SPIDR: variants seen among roughly 807,000 people sequenced by gnomAD.
The protein encoded by SPIDR is DNA repair-scaffolding protein.
A neutral mutation model predicts 104.6 loss-of-function variants in SPIDR; 93 were observed. The observed-to-expected ratio is 0.89, with a 90% CI of 0.75 to 1.06. The LOEUF is 1.06. SPIDR is among the 50% of genes least tolerant of loss of function. The pLI is 0.00. For missense variants in SPIDR, 1,154 were observed against 1,111.2 expected (o/e 1.04, Z -0.55); for synonymous variants, 431 against 416.9 (o/e 1.03, Z -0.41).
chr8:47,457,487 T>C (rs2073188386), intron 8 of SPIDR, among the ~76,000 whole-genome samples: 1 of 152,208 alleles, frequency 6.6e-6, no homozygotes, highest in Non-Finnish European at 1.5e-5. Context: ...TTGTAGATTC[T>C]GGATATTAGT....
intron 10 of SPIDR, among the ~76,000 whole-genome samples, chr8:47,624,787 A>C (rs1042858780): frequency 1.3e-5 from 2 of 152,132 alleles, no homozygotes; most frequent in Non-Finnish European, 2.9e-5. Context: ...TATGGATTCA[A>C]AGCCGAATTC....
chr8:47,542,081 G>A (rs1196655828), intron 8 of SPIDR, among the ~76,000 whole-genome samples: 1 of 152,042 alleles, frequency 6.6e-6, no homozygotes, highest in Non-Finnish European at 1.5e-5. Flanking sequence ...CTGATCAAAT[G>A]AAGGTCTACA....
intron 5 of SPIDR, among the ~76,000 whole-genome samples, chr8:47,313,650 T>A (rs1299096820): frequency 6.6e-6 from 1 of 152,188 alleles, no homozygotes; most frequent in Non-Finnish European, 1.5e-5. Context: ...TCACGCTACC[T>A]GACTTCAAAC....
At chr8:47,592,989 C>T (rs186710620) in intron 8 of SPIDR, among the ~76,000 whole-genome samples, 281 of 152,138 alleles carry the variant, frequency 1.8e-3, no homozygotes, top group Admixed American at 3.7e-3. Context: ...CAGGTTCAAG[C>T]GATTCTCCTG....
At chr8:47,277,843 T>G (rs945952878) in intron 1 of SPIDR, among the ~76,000 whole-genome samples, 1 of 151,700 alleles carries the variant, frequency 6.6e-6, no homozygotes, top group Non-Finnish European at 1.5e-5. Flanking sequence ...CCCGGCTAAT[T>G]TTTTGCATTT....
intron 8 of SPIDR, among the ~76,000 whole-genome samples, chr8:47,594,504 G>A (rs1478226069): frequency 6.6e-6 from 1 of 152,156 alleles, no homozygotes; most frequent in Non-Finnish European, 1.5e-5. Flanking sequence ...CATGCATAGG[G>A]ACAAGTCATA....
intron 8 of SPIDR, among the ~76,000 whole-genome samples, chr8:47,448,293 A>G (rs1193803174): frequency 3.9e-5 from 6 of 152,224 alleles, no homozygotes; most frequent in African/African-American, 1.4e-4. Flanking sequence ...CAGTAACTAT[A>G]TGATTAATAT....
chr8:47,507,707 A>G (rs1035427502), intron 8 of SPIDR, among the ~76,000 whole-genome samples: 5 of 152,342 alleles, frequency 3.3e-5, no homozygotes, highest in South Asian at 2.1e-4. Context: ...TGTAGCCCCA[A>G]TACCCAGTTC....
At chr8:47,339,049 T>C (rs1337978551) in intron 5 of SPIDR, among the ~76,000 whole-genome samples, 1 of 152,220 alleles carries the variant, frequency 6.6e-6, no homozygotes, top group Non-Finnish European at 1.5e-5. Flanking sequence ...CACTATTAAC[T>C]AGATCTTTGA....
At chr8:47,467,108 A>C (rs1265436767) in intron 8 of SPIDR, among the ~76,000 whole-genome samples, 1 of 152,080 alleles carries the variant, frequency 6.6e-6, no homozygotes, top group African/African-American at 2.4e-5. Context: ...AAACTAGAAA[A>C]TGTAGAGGGA....
Position 47,277,571 on chromosome 8 carries a change from G to A in SPIDR, c.34-2291G>A, listed in dbSNP as rs781798349. On this transcript the variant is annotated intron_variant, in intron 1 of 19. Transcript: ENST00000297423. ...GGGACTTGCTATGTTTCCCAGACTG[G>A]TCTTGAACTCCTGGGCTCAAGTAGT... is the stretch of plus-strand genomic sequence containing the variant. 2.4e-4 allele frequency among the ~76,000 whole-genome samples: 36 copies of A among 150,142 alleles called. No homozygotes were observed. In the South Asian group the frequency reaches 7.0e-3, roughly 29 times the overall value.
At chr8:47,289,166 G>A (rs2054986) in intron 3 of SPIDR, among the ~76,000 whole-genome samples, 77,211 of 151,920 alleles carry the variant, frequency 0.51, 23,639 homozygotes, top group African/African-American at 0.87. Flanking sequence ...ATGTACCACT[G>A]TGCCCAGCTA....
chr8:47,640,349 C>T (rs914998262), intron 10 of SPIDR, among the ~76,000 whole-genome samples: 1 of 152,114 alleles, frequency 6.6e-6, no homozygotes, highest in Admixed American at 6.5e-5. Flanking sequence ...CCATAGAAGG[C>T]GATTGGACTC....
intron 19 of SPIDR, among the ~76,000 whole-genome samples, 194 bp from the exon 20 acceptor site, chr8:47,735,098 GTGTGTGTGTGTGGGT>G (rs1275365268): frequency 1.4e-5 from 2 of 143,598 alleles, no homozygotes; most frequent in African/African-American, 5.4e-5. Context: ...GTGTGTGGGT[GTGTGTGTGTGTGGGT>G]GTGTGTGTGT....
intron 8 of SPIDR, among the ~76,000 whole-genome samples, chr8:47,515,425 G>T (rs1163128043): frequency 1.3e-5 from 2 of 152,156 alleles, no homozygotes; most frequent in African/African-American, 4.8e-5. Flanking sequence ...CTGTTATGTG[G>T]TTGTCCTGAG....
chr8:47,320,795 A>C (rs764567394), intron 5 of SPIDR, among the ~76,000 whole-genome samples: 2 of 152,228 alleles, frequency 1.3e-5, no homozygotes, highest in African/African-American at 2.4e-5. Flanking sequence ...GGTTCAACAT[A>C]TGCAAATCAA....
chr8:47,287,573 G>T (rs2039097284), intron 3 of SPIDR, among the ~76,000 whole-genome samples: 1 of 152,192 alleles, frequency 6.6e-6, no homozygotes, highest in East Asian at 1.9e-4. Flanking sequence ...TCCTTCCCCA[G>T]GGTATTAATT....
chr8:47,270,463 G>C (rs1485361598), intron 1 of SPIDR, among the ~76,000 whole-genome samples: 1 of 151,948 alleles, frequency 6.6e-6, no homozygotes, highest in African/African-American at 2.4e-5. Flanking sequence ...TTGGGTTTCT[G>C]CAAAATTGGT....
At chr8:47,299,116 C>T (rs1402999366) in intron 5 of SPIDR, among the ~76,000 whole-genome samples, 56 of 152,188 alleles carry the variant, frequency 3.7e-4, no homozygotes, top group Middle Eastern at 6.8e-3. Context: ...TGTTTGTATC[C>T]TCTTTTATTT....
Sources: gnomAD v4.1 joint callset for allele counts (sites outside exome capture counted in the v4.1 genomes callset) on GRCh38, gnomAD v4.1.1 for gene constraint, MANE v1.5 for transcripts, NCBI Gene and HGNC (gene_info 2026-07-23, HGNC 2026-07-21) for gene names.